Variants in ZNF585B observed in about 807,000 individuals in gnomAD.
ZNF585B encodes the protein zinc finger protein 585B, also known as zinc finger protein 41-like protein.
ZNF585B carries 7 observed loss-of-function variants against 14.0 expected under a neutral mutation model. The ratio of observed to expected loss-of-function variants is 0.50; its 90% CI spans 0.28 to 0.94. ZNF585B has a LOEUF of 0.94. Among genes scored for constraint, ZNF585B ranks in the 40% least tolerant of loss-of-function variants. The pLI, the probability that ZNF585B is intolerant of heterozygous loss-of-function variation, is 0.09. For synonymous variants in ZNF585B, 290 were observed against 317.3 expected (o/e 0.91, Z 0.91); for missense variants, 750 against 924.4 (o/e 0.81, Z 2.45).
intron 3 of ZNF585B, 34 bp from the exon 4 acceptor site, chr19:37,189,787 G>C (rs770561505): frequency 1.9e-6 from 3 of 1,613,050 alleles, no homozygotes; most frequent in East Asian, 4.5e-5. Context: ...TCTGGGTCCA[G>C]CTAATTACGT....
intron 2 of ZNF585B, among the ~76,000 whole-genome samples, chr19:37,191,516 G>A (rs1423521789): frequency 6.6e-6 from 1 of 152,008 alleles, no homozygotes; most frequent in African/African-American, 2.4e-5. Flanking sequence ...TATTTGGGAG[G>A]CTGAGGAGGG....
At chr19:37,199,431 G>C (rs1243308578) in intron 2 of ZNF585B, 2 of 329,232 alleles carry the variant, frequency 6.1e-6, no homozygotes, top group Non-Finnish European at 1.2e-5. Context: ...AGGCTAAGGT[G>C]GGGGGATCGA....
rs533304761 is a variant in ZNF585B at position 37,184,816 on chromosome 19, A to G, written c.*411T>C. 4.9e-6 allele frequency: 2 copies of G among 407,910 alleles called. No individual in the cohort carries two copies. Among genetic ancestry groups the G allele is most frequent in the East Asian group, 7.0e-5 (2 of 28,526 alleles). The allele number at this position is 407,910 out of a possible 1,614,324, so 25.3% of individuals were successfully genotyped here. On this transcript the variant is annotated 3_prime_UTR_variant, in exon 5 of 5. Transcript: ENST00000532828. ...TGTTCTGGAACAAACAACTCACAGA[A>G]GGATTCATCACTATCATATATATTA...
intron 4 of ZNF585B, among the ~76,000 whole-genome samples, chr19:37,188,096 T>C (rs551439344): frequency 5.3e-5 from 8 of 152,172 alleles, no homozygotes; most frequent in Admixed American, 4.6e-4. Context: ...AAAATGAGAA[T>C]CTTCACCCAC....
intron 2 of ZNF585B, among the ~76,000 whole-genome samples, chr19:37,200,053 T>TAATAAAATAA (rs74174449): frequency 8.0e-4 from 115 of 144,642 alleles, no homozygotes; most frequent in East Asian, 3.4e-3. Flanking sequence ...CAAAAATAAA[T>TAATAAAATAA]AATAAAATAA....
chr19:37,206,288 C>A (rs192599252), intron 2 of ZNF585B, among the ~76,000 whole-genome samples: 1 of 151,658 alleles, frequency 6.6e-6, no homozygotes, highest in Non-Finnish European at 1.5e-5. Flanking sequence ...CCCGTCTCTA[C>A]TAAAAATACA....
In ZNF585B at chr19:37,189,805, C is replaced by A. The variant is rs768910737; in HGVS notation, c.200-52G>T. ...GGGTCCAGCTAATTACGTTTCAGAGCCCAACAAATACAGTCTTATTGTTCA... is the reference window on the plus strand; with the variant it reads ...GGGTCCAGCTAATTACGTTTCAGAGACCAACAAATACAGTCTTATTGTTCA... On this transcript the variant is annotated intron_variant, in intron 3 of 4. Transcript: ENST00000532828. 3.7e-6 allele frequency: 6 copies of A among 1,608,764 alleles called. No individual in the cohort carries two copies. In the Admixed American group the frequency reaches 6.7e-5, roughly 18 times the overall value.
At chr19:37,197,493 C>T (rs1205721739) in intron 2 of ZNF585B, among the ~76,000 whole-genome samples, 3 of 152,086 alleles carry the variant, frequency 2.0e-5, no homozygotes, top group Non-Finnish European at 4.4e-5. Flanking sequence ...TGGGTATATA[C>T]CCAGTAACGG....
chr19:37,188,386 T>A (rs1194304111), intron 4 of ZNF585B, among the ~76,000 whole-genome samples: 1 of 152,134 alleles, frequency 6.6e-6, no homozygotes, highest in Non-Finnish European at 1.5e-5. Flanking sequence ...CGTGGGAGGC[T>A]GAGGCAAGAG....
In ZNF585B at chr19:37,185,126, G is replaced by C; in HGVS notation, c.*101C>G. On this transcript the variant is annotated 3_prime_UTR_variant, in exon 5 of 5. Transcript: ENST00000532828. Reference sequence around the variant, plus strand: ...CAGCCATGTGTGACATTCTGATGTGGTCATTTCTATTTACAATAATATACA... The same window carrying C: ...CAGCCATGTGTGACATTCTGATGTGCTCATTTCTATTTACAATAATATACA... 1.4e-6 allele frequency: 2 copies of C among 1,452,040 alleles called. No homozygotes were observed. Among genetic ancestry groups the C allele is most frequent in the Non-Finnish European group, 1.8e-6 (2 of 1,081,204 alleles). 89.9% of individuals were successfully genotyped at this position (1,452,040 alleles called of 1,614,324 possible). A position where few individuals can be genotyped will look rare whatever the true frequency, so the allele number is the denominator to read the frequency against.
chr19:37,203,274 T>A (rs1300145814), intron 2 of ZNF585B, among the ~76,000 whole-genome samples: 1 of 152,084 alleles, frequency 6.6e-6, no homozygotes, highest in Non-Finnish European at 1.5e-5. Flanking sequence ...AATCTATAGT[T>A]TTCCCCTCTA....
At chr19:37,203,564 T>C (rs1291331487) in intron 2 of ZNF585B, among the ~76,000 whole-genome samples, 1 of 152,172 alleles carries the variant, frequency 6.6e-6, no homozygotes, top group Non-Finnish European at 1.5e-5. Flanking sequence ...ATTATAATTA[T>C]TTTTAAGTGT....
At chr19:37,199,047 C>T in intron 2 of ZNF585B, 1 of 1,504,392 alleles carries the variant, frequency 6.6e-7, no homozygotes, top group Non-Finnish European at 8.9e-7. Context: ...AAAATGGTAC[C>T]TATATACCTG....
At chr19:37,197,761 T>C (rs943246722) in intron 2 of ZNF585B, among the ~76,000 whole-genome samples, 1 of 152,232 alleles carries the variant, frequency 6.6e-6, no homozygotes, top group Admixed American at 6.5e-5. Context: ...CATGTGTCTG[T>C]TGGCTGCACA....
At chr19:37,208,278 C>T (rs1250355175) in intron 1 of ZNF585B, among the ~76,000 whole-genome samples, 1 of 152,108 alleles carries the variant, frequency 6.6e-6, no homozygotes, top group African/African-American at 2.4e-5. Flanking sequence ...ACCCACCTCA[C>T]ACTATTAAGT....
At position 37,195,542 on chromosome 19, in the gene ZNF585B, T is replaced by C. The variant is rs1210605713; in HGVS notation, c.73-5392A>G. Among the ~76,000 whole-genome samples, 5 of 151,892 alleles carry C rather than the reference T, an allele frequency of 3.3e-5. No homozygotes were observed. In the East Asian group the frequency reaches 7.8e-4, roughly 24 times the overall value. ...ATCAGGAATAAAACAGGAAATATCA[T>C]GACAGATTCAGGAACCATTAAAAGA... On this transcript the variant is annotated intron_variant, in intron 2 of 4. Transcript: ENST00000532828.
At chr19:37,205,598 C>T (rs1005106191) in intron 2 of ZNF585B, among the ~76,000 whole-genome samples, 1 of 152,240 alleles carries the variant, frequency 6.6e-6, no homozygotes, top group South Asian at 2.1e-4. Context: ...TTATCACTAC[C>T]GGGAGACACA....
At chr19:37,194,007 C>T (rs1434704315) in intron 2 of ZNF585B, among the ~76,000 whole-genome samples, 2 of 152,064 alleles carry the variant, frequency 1.3e-5, no homozygotes, top group Non-Finnish European at 2.9e-5. Flanking sequence ...AAAAAGAATT[C>T]ATCTCTTTGA....
Position 37,207,086 on chromosome 19 carries a change from T to C in ZNF585B, c.26A>G (p.Gln9Arg), listed in dbSNP as rs145040657. The C allele has an allele frequency of 4.8e-5, 78 of 1,614,180 alleles. No homozygotes were observed. In the African/African-American group the frequency reaches 8.8e-4, roughly 18 times the overall value. MPASWTSP[Q>R]KSSALAPEDH... is the part of the protein sequence containing the mutation. Reference sequence around the variant, plus strand: ...CTCTGGAGCCAGGGCTGAGGATTTCTGGGGTGAGGTCCAACTAGCTGGCAT... The same window carrying C: ...CTCTGGAGCCAGGGCTGAGGATTTCCGGGGTGAGGTCCAACTAGCTGGCAT... Residue 9 changes from glutamine to arginine, a missense_variant, in exon 2 of 5, where the codon CAG becomes CGG. By Grantham distance (43) the Gln-to-Arg change is conservative. Coordinates refer to ENST00000532828, the MANE Select transcript of ZNF585B (RefSeq NM_152279.4).
Sources: allele counts gnomAD v4.1 joint callset (sites outside exome capture counted in the v4.1 genomes callset), GRCh38; gene constraint gnomAD v4.1.1; transcripts MANE v1.5; gene names NCBI Gene and HGNC (gene_info 2026-07-23, HGNC 2026-07-21).